Variants in PFKFB3 observed in about 807,000 individuals in gnomAD.
PFKFB3 encodes 6-phosphofructo-2-kinase/fructose-2,6-biphosphatase 3.
Under a neutral mutation model 68.0 loss-of-function variants are expected in PFKFB3, and 33 were observed. The ratio of observed to expected loss-of-function variants is 0.49; its 90% CI spans 0.37 to 0.65. PFKFB3 has a LOEUF of 0.65. PFKFB3 is among the 30% of genes least tolerant of loss of function. The pLI is 0.00. For synonymous variants in PFKFB3, 315 were observed against 288.2 expected, an observed-to-expected ratio of 1.09 and a Z score of -0.94; for missense variants, 586 against 712.2, an observed-to-expected ratio of 0.82 and a Z score of 2.02.
At chr10:6,290,642 GCACC>G in the PFKFB3 span, among the ~76,000 whole-genome samples, 1 of 151,924 alleles carries the variant, frequency 6.6e-6, no homozygotes, top group Non-Finnish European at 1.5e-5. Flanking sequence ...GGGATTACAG[GCACC>G]CACCACCATG....
chr10:6,245,030 C>T (rs900471723), intron 14 of PFKFB3, among the ~76,000 whole-genome samples: 6 of 152,168 alleles, frequency 3.9e-5, no homozygotes, highest in Non-Finnish European at 7.3e-5. Context: ...AACTGAGGCT[C>T]ACAGAGGGAA....
the PFKFB3 span, chr10:6,294,354 A>G: frequency 2.7e-6 from 1 of 369,578 alleles, no homozygotes; most frequent in Non-Finnish European, 5.4e-6. Context: ...TCACAGTTCC[A>G]CATGGCTGGA....
intron 6 of PFKFB3, 159 bp from the exon 7 acceptor site, chr10:6,219,410 A>G: frequency 1.4e-6 from 1 of 703,792 alleles, no homozygotes; most frequent in Non-Finnish European, 2.4e-6. Context: ...GCTGTGACTC[A>G]GCCCCCAGCA....
At chr10:6,285,242 T>C in the PFKFB3 span, among the ~76,000 whole-genome samples, 1 of 151,270 alleles carries the variant, frequency 6.6e-6, no homozygotes, top group Non-Finnish European at 1.5e-5. Flanking sequence ...TTTTTTTGTC[T>C]TTTTTTTTGA....
chr10:6,260,423 A>G, the PFKFB3 span, among the ~76,000 whole-genome samples: 3 of 151,922 alleles, frequency 2.0e-5, no homozygotes, highest in African/African-American at 7.2e-5. Context: ...CAAAAAAAAA[A>G]AAAAAAAAAA....
At chr10:6,325,346 G>A in the PFKFB3 span, among the ~76,000 whole-genome samples, 4 of 152,198 alleles carry the variant, frequency 2.6e-5, no homozygotes, top group Admixed American at 2.6e-4. Flanking sequence ...TGAAGAGCAC[G>A]TGGAAGACAG....
rs769818781 is a variant in PFKFB3 at position 6,161,635 on chromosome 10, TATAG to T, written c.16+16624_16+16627del. 1.8e-3 allele frequency among the ~76,000 whole-genome samples: 145 copies of T among 80,614 alleles called. 1 individual carries two copies. The highest frequency in any genetic ancestry group is 5.8e-3 in the South Asian group (13 of 2,242). 52.9% of individuals were successfully genotyped at this position (80,614 alleles called of 152,430 possible). A position where few individuals can be genotyped will look rare whatever the true frequency, so the allele number is the denominator to read the frequency against. Reference sequence around the variant, plus strand: ...ATATACACACACACACATATATATATATAGAGAGAGAGAGAGAGAGAGAATCTCA... The same window carrying T: ...ATATACACACACACACATATATATATAGAGAGAGAGAGAGAGAGAATCTCA... On this transcript the variant is annotated intron_variant, in intron 1 of 14. Coordinates refer to the PFKFB3 transcript ENST00000379789.
At chr10:6,310,711 T>A in the PFKFB3 span, among the ~76,000 whole-genome samples, 6 of 152,230 alleles carry the variant, frequency 3.9e-5, no homozygotes, top group African/African-American at 1.2e-4. Flanking sequence ...TACTACTATA[T>A]TTGTGAAACG....
At chr10:6,185,937 G>T (rs1033270896) in intron 1 of PFKFB3, among the ~76,000 whole-genome samples, 1 of 152,056 alleles carries the variant, frequency 6.6e-6, no homozygotes, top group Non-Finnish European at 1.5e-5. Context: ...ACCGCGCCTG[G>T]CCCCTGTCCT....
chr10:6,294,790 T>A, the PFKFB3 span: 1 of 152,364 alleles, frequency 6.6e-6, no homozygotes, highest in African/African-American at 2.4e-5. Flanking sequence ...TGATTCTTTC[T>A]TAGAGTTTCC....
At position 6,229,236 on chromosome 10, in the gene PFKFB3, C is replaced by T; in HGVS notation, c.1515+2871C>T. On this transcript the variant is annotated intron_variant, in intron 14 of 14. Transcript: ENST00000379775. The surrounding 1 kb of genome is among the most constrained non-coding windows in gnomAD (Gnocchi z 4.3). ...AAGGGGTGAAGGGCCAGAGGATGTA[C>T]CAGTGTCCTCCATGTCCACGTTCCT... The T allele has an allele frequency of 8.3e-6, 4 of 481,634 alleles. No individual in the cohort carries two copies. The highest frequency in any genetic ancestry group is 6.1e-5 in the South Asian group (4 of 65,480). 29.8% of individuals were successfully genotyped at this position (481,634 alleles called of 1,614,324 possible). A position where few individuals can be genotyped will look rare whatever the true frequency, so the allele number is the denominator to read the frequency against.
At chr10:6,317,050 C>T in the PFKFB3 span, among the ~76,000 whole-genome samples, 1 of 151,668 alleles carries the variant, frequency 6.6e-6, no homozygotes, top group African/African-American at 2.4e-5. Flanking sequence ...CAGAAAAAAA[C>T]AACCATACAT....
At chr10:6,216,082 A>G (rs766680450) in intron 3 of PFKFB3, 43 bp from the exon 4 acceptor site, 4 of 1,578,922 alleles carry the variant, frequency 2.5e-6, no homozygotes, top group Non-Finnish European at 3.5e-6. Context: ...GCCCCAGCGG[A>G]TGCACCGGCG....
the PFKFB3 span, among the ~76,000 whole-genome samples, chr10:6,325,843 C>T: frequency 1.3e-5 from 2 of 152,156 alleles, no homozygotes; most frequent in Admixed American, 6.5e-5. Context: ...GAGATACACA[C>T]GTACATCAAT....
Position 6,150,735 on chromosome 10 carries a change from C to T in PFKFB3, c.16+5722C>T, listed in dbSNP as rs975144426. Reference sequence around the variant, plus strand: ...TACCCAGGCTGTGCGTGGTGGCTCACGCCTGTAATCCCAGCTCTTCGGGAG... The same window carrying T: ...TACCCAGGCTGTGCGTGGTGGCTCATGCCTGTAATCCCAGCTCTTCGGGAG... On this transcript the variant is annotated intron_variant, in intron 1 of 14. Transcript: ENST00000379789. Among the ~76,000 whole-genome samples, 6 of 152,202 alleles carry T rather than the reference C, an allele frequency of 3.9e-5. No homozygotes were observed. The East Asian group carries it at 9.6e-4, about 24-fold the overall frequency.
the PFKFB3 span, chr10:6,294,021 A>T: frequency 1.9e-6 from 1 of 526,412 alleles, no homozygotes; most frequent in Non-Finnish European, 3.9e-6. Context: ...ACAAATTCCA[A>T]CATCATTACC....
the PFKFB3 span, among the ~76,000 whole-genome samples, chr10:6,303,640 C>G: frequency 6.6e-6 from 1 of 151,726 alleles, no homozygotes; most frequent in African/African-American, 2.4e-5. Flanking sequence ...TAGTGAAACC[C>G]CATCTCTACA....
At chr10:6,157,680 T>A (rs1841851029) in intron 1 of PFKFB3, among the ~76,000 whole-genome samples, 1 of 152,216 alleles carries the variant, frequency 6.6e-6, no homozygotes, top group African/African-American at 2.4e-5. Flanking sequence ...GGGAACCCAC[T>A]TCAAGCTGAA....
intron 14 of PFKFB3, among the ~76,000 whole-genome samples, chr10:6,250,362 G>A (rs557360257): frequency 8.0e-4 from 122 of 152,080 alleles, no homozygotes; most frequent in African/African-American, 2.7e-3. Context: ...TCAGGCAATC[G>A]AGACCATCCT....
Sources: gnomAD v4.1 joint callset for allele counts (sites outside exome capture counted in the v4.1 genomes callset) on GRCh38, gnomAD v4.1.1 for gene constraint, Gnocchi (gnomAD v3.1) non-coding constraint, MANE v1.5 for transcripts, NCBI Gene and HGNC (gene_info 2026-07-23, HGNC 2026-07-21) for gene names.